EIF3I: variants seen among roughly 807,000 people sequenced by gnomAD.
EIF3I encodes TGF-beta receptor-interacting protein 1.
Under a neutral mutation model 43.3 loss-of-function variants are expected in EIF3I, and 20 were observed. That is an observed-to-expected ratio of 0.46 (90% confidence interval 0.32 to 0.67). The LOEUF is 0.67. EIF3I is among the 30% of genes least tolerant of loss of function. EIF3I has a pLI of 0.03. For missense variants in EIF3I, 279 were observed against 421.4 expected, an observed-to-expected ratio of 0.66 and a Z score of 2.96; for synonymous variants, 167 against 151.7, an observed-to-expected ratio of 1.10 and a Z score of -0.74.
Position 32,223,099 on chromosome 1 carries a change from G to T in EIF3I, c.96+469G>T, listed in dbSNP as rs141161631. On this transcript the variant is annotated intron_variant, in intron 2 of 11. Coordinates refer to ENST00000676679, the Ensembl canonical transcript of EIF3I. The stretch of plus-strand genomic sequence containing the variant: ...AGGGGATAAAGATGAGGGTCAGCTT[G>T]CCCAGAGAACGGGATGCGACCTTTA... Among the ~76,000 whole-genome samples, 286 of 152,296 alleles carry T rather than the reference G, an allele frequency of 1.9e-3. 1 individual carries two copies. Among genetic ancestry groups the T allele is most frequent in the African/African-American group, 6.4e-3 (264 of 41,562 alleles).
intron 9 of EIF3I, 41 bp downstream of exon 9, chr1:32,229,249 G>A (rs777036558): frequency 6.3e-7 from 1 of 1,596,058 alleles, no homozygotes; most frequent in Non-Finnish European, 8.5e-7. Context: ...AATCTCATGT[G>A]GTGTACCTTT....
At chr1:32,224,454 C>T (rs1243303756) in exon 4 of EIF3I, 7 of 1,613,452 alleles carry the variant, frequency 4.3e-6, no homozygotes, top group Non-Finnish European at 5.9e-6. Context: ...CAACAGCTGT[C>T]GTCTCTGGGA....
At chr1:32,232,911 A>G (rs2124271980), downstream of EIF3I, among the ~76,000 whole-genome samples, 1 of 152,300 alleles carries the variant, frequency 6.6e-6, no homozygotes, top group African/African-American at 2.4e-5. Flanking sequence ...TCAATCTCAT[A>G]AGACAGCTGG....
intron 9 of EIF3I, among the ~76,000 whole-genome samples, chr1:32,229,976 C>T (rs775704388): frequency 6.6e-6 from 1 of 152,148 alleles, no homozygotes; most frequent in Non-Finnish European, 1.5e-5. Flanking sequence ...AAGCACTGCC[C>T]AGCACATAGT....
intron 4 of EIF3I, among the ~76,000 whole-genome samples, chr1:32,225,190 G>T (rs1324300158): frequency 3.3e-5 from 5 of 151,852 alleles, no homozygotes; most frequent in Non-Finnish European, 7.4e-5. Flanking sequence ...TGGCCAGGCT[G>T]GTCTCGAACT....
chr1:32,226,577 T>C lies in EIF3I; in HGVS notation c.528+47T>C, dbSNP rs769245114. The C allele has an allele frequency of 5.5e-5, 78 of 1,427,222 alleles. 2 individuals are homozygous for C. In the Admixed American group the frequency reaches 2.0e-3, roughly 37 times the overall value. 88.4% of individuals were successfully genotyped at this position (1,427,222 alleles called of 1,614,324 possible). A position where few individuals can be genotyped will look rare whatever the true frequency, so the allele number is the denominator to read the frequency against. On this transcript the variant is annotated intron_variant, in intron 6 of 11. Transcript: ENST00000676679. ...GAGCCTACCAGAATAATTTTTTTTT[T>C]TTTTTTTAAGATAGAGTCTCTCTCT...
At chr1:32,229,751 A>G (rs575854555) in intron 9 of EIF3I, among the ~76,000 whole-genome samples, 1 of 147,424 alleles carries the variant, frequency 6.8e-6, no homozygotes, top group East Asian at 2.1e-4. Context: ...GGATTTCACC[A>G]TGTTTGCCAG....
downstream of EIF3I, among the ~76,000 whole-genome samples, chr1:32,233,870 T>C (rs1386795472): frequency 8.5e-5 from 13 of 152,176 alleles, no homozygotes; most frequent in Non-Finnish European, 1.6e-4. Context: ...GTCTAAAGGA[T>C]TGGCCTTGGA....
At chr1:32,230,487 G>T (rs933529807) in intron 10 of EIF3I, among the ~76,000 whole-genome samples, 1 of 152,094 alleles carries the variant, frequency 6.6e-6, no homozygotes, top group African/African-American at 2.4e-5. Flanking sequence ...CTCCCAAAGT[G>T]TTGGGATTAC....
At chr1:32,225,918 G>A (rs1286023157) in intron 4 of EIF3I, among the ~76,000 whole-genome samples, 1 of 152,076 alleles carries the variant, frequency 6.6e-6, no homozygotes, top group Non-Finnish European at 1.5e-5. Context: ...CTACTTGGGA[G>A]GCTGAGGCAG....
intron 6 of EIF3I, among the ~76,000 whole-genome samples, chr1:32,227,613 AAAAAATT>A (rs1266882459): frequency 6.6e-6 from 1 of 152,054 alleles, no homozygotes; most frequent in African/African-American, 2.4e-5. Context: ...TCTCTACAAA[AAAAAATT>A]AAAAATTAGC....
exon 2 of EIF3I, chr1:32,222,571 A>G (rs768527049): frequency 6.2e-7 from 1 of 1,614,158 alleles, no homozygotes; most frequent in East Asian, 2.2e-5. Context: ...TGAGCGGTCC[A>G]TTACGCAGAT....
chr1:32,230,898 G>A (rs773801087), intron 10 of EIF3I, 29 bp from the exon 10 acceptor site: 13 of 1,534,002 alleles, frequency 8.5e-6, no homozygotes, highest in Admixed American at 2.1e-5. Context: ...AAGATAGAAA[G>A]TGAATTAATT....
chr1:32,226,211 G>A (rs776214654), exon 5 of EIF3I: 1 of 1,614,118 alleles, frequency 6.2e-7, no homozygotes. Flanking sequence ...CGGCTGTCCG[G>A]ACCTGCGGTT....
chr1:32,235,588 G>A (rs1169777339), downstream of EIF3I, among the ~76,000 whole-genome samples: 1 of 152,118 alleles, frequency 6.6e-6, no homozygotes, highest in African/African-American at 2.4e-5. Flanking sequence ...CAAAGTGCTG[G>A]GATTACAGGC....
chr1:32,224,540 A>G (rs919394805), intron 4 of EIF3I, 65 bp downstream of exon 4: 6 of 1,244,814 alleles, frequency 4.8e-6, no homozygotes, highest in African/African-American at 3.0e-5. Flanking sequence ...GTTTGAGTAA[A>G]CAGGTCCTAG....
chr1:32,227,039 G>C (rs183851340), intron 6 of EIF3I, among the ~76,000 whole-genome samples: 6 of 151,102 alleles, frequency 4.0e-5, no homozygotes, highest in Non-Finnish European at 7.4e-5. Context: ...CTCCATGTTG[G>C]CCAGGCTGGT....
chr1:32,228,508 G>A (rs1040685901), exon 7 of EIF3I: 1 of 1,613,912 alleles, frequency 6.2e-7, no homozygotes, highest in Admixed American at 1.7e-5. Flanking sequence ...GTCTGGAGAG[G>A]TGTTGGTGAA....
intron 2 of EIF3I, 63 bp from the exon 3 acceptor site, chr1:32,223,971 G>A (rs1024939316): frequency 1.3e-6 from 2 of 1,518,658 alleles, no homozygotes; most frequent in Middle Eastern, 1.7e-4. Flanking sequence ...GGGTTCCTGG[G>A]GCAAAATAGG....
Sources: gnomAD v4.1 joint callset for allele counts (sites outside exome capture counted in the v4.1 genomes callset) on GRCh38, gnomAD v4.1.1 for gene constraint, MANE v1.5 for transcripts, NCBI Gene and HGNC (gene_info 2026-07-23, HGNC 2026-07-21) for gene names.